MTHFD1L: variants seen among roughly 807,000 people sequenced by gnomAD.
MTHFD1L encodes monofunctional C1-tetrahydrofolate synthase, mitochondrial.
MTHFD1L carries 81 observed loss-of-function variants against 119.5 expected under a neutral mutation model. That is an observed-to-expected ratio of 0.68 (90% CI 0.57 to 0.82). The LOEUF is 0.82. Among genes scored for constraint, MTHFD1L ranks in the 40% least tolerant of loss-of-function variants. MTHFD1L has a pLI of 0.00. For missense variants in MTHFD1L, 1,125 were observed against 1,253.4 expected, an observed-to-expected ratio of 0.90 and a Z score of 1.55; for synonymous variants, 430 against 475.2, an observed-to-expected ratio of 0.90 and a Z score of 1.24.
intron 12 of MTHFD1L, among the ~76,000 whole-genome samples, chr6:150,938,295 G>A (rs1418761059): frequency 6.6e-6 from 1 of 152,206 alleles, no homozygotes; most frequent in Non-Finnish European, 1.5e-5. Flanking sequence ...TGGGTTTACA[G>A]GCATGAGCCA....
intron 9 of MTHFD1L, 26 bp downstream of exon 9, chr6:150,918,694 A>G: frequency 6.3e-7 from 1 of 1,587,956 alleles, no homozygotes; most frequent in Non-Finnish European, 8.6e-7. Context: ...CTGTCTGAGA[A>G]TCTTGAGTTT....
At chr6:150,875,139 T>C (rs1234702321) in intron 1 of MTHFD1L, among the ~76,000 whole-genome samples, 3 of 151,792 alleles carry the variant, frequency 2.0e-5, no homozygotes, top group Admixed American at 6.6e-5. Context: ...TACTACAGCC[T>C]CAAACTCATG....
At chr6:150,892,122 A>G (rs1327903201) in intron 7 of MTHFD1L, among the ~76,000 whole-genome samples, 4 of 152,196 alleles carry the variant, frequency 2.6e-5, no homozygotes, top group Admixed American at 6.5e-5. Flanking sequence ...TTCAAGGGCA[A>G]TAGTTTGCAC....
chr6:151,014,649 C>T (rs759645836), intron 22 of MTHFD1L, among the ~76,000 whole-genome samples: 7 of 152,260 alleles, frequency 4.6e-5, no homozygotes, highest in African/African-American at 7.2e-5. Context: ...AGCCTGTCCT[C>T]AGCAGGGTGA....
chr6:150,947,296 T>C (rs919539024), intron 15 of MTHFD1L, among the ~76,000 whole-genome samples: 12 of 151,334 alleles, frequency 7.9e-5, no homozygotes, highest in Non-Finnish European at 1.2e-4. Flanking sequence ...GGCTTCACCA[T>C]GTTGGCCAGG....
chr6:151,022,082 G>T (rs762588162), intron 24 of MTHFD1L: 1 of 471,046 alleles, frequency 2.1e-6, no homozygotes, highest in Admixed American at 2.3e-5. Flanking sequence ...AACAAACCAC[G>T]AAGACAGCCT....
Position 150,905,666 on chromosome 6 carries a change from T to C in MTHFD1L, c.797T>C (p.Ile266Thr), listed in dbSNP as rs1785784948. 3 of 1,613,790 alleles carry C rather than the reference T, an allele frequency of 1.9e-6. No homozygotes were observed. The highest frequency in any genetic ancestry group is 1.7e-6 in the Non-Finnish European group (2 of 1,179,880). The change falls in exon 8 of 28, where the codon ATT becomes ACT. Residue 266 changes from isoleucine to threonine, a missense_variant. Around this residue, in one of 3 missense-constraint regions of MTHFD1L, gnomAD observed 1,058 missense variants for 1,151.2 expected, o/e 0.92. Transcript: ENST00000367321. Reference sequence around the variant, plus strand: ...TCCTTTTAGCTTCACGAGGCTGACATTGTGGTCCTAGGCTCACCTAAGCCA... The same window carrying C: ...TCCTTTTAGCTTCACGAGGCTGACACTGTGGTCCTAGGCTCACCTAAGCCA... ...QLQSKLHEADIVVLGSPKPEE... is the reference protein window; with the variant it reads ...QLQSKLHEADTVVLGSPKPEE...
intron 24 of MTHFD1L, among the ~76,000 whole-genome samples, chr6:151,019,161 T>C (rs971754686): frequency 1.1e-4 from 16 of 151,278 alleles, no homozygotes; most frequent in African/African-American, 3.9e-4. Flanking sequence ...TGCCAGAGCC[T>C]TTCTACATAA....
intron 7 of MTHFD1L, among the ~76,000 whole-genome samples, chr6:150,896,091 G>A (rs1784162573): frequency 6.6e-6 from 1 of 152,124 alleles, no homozygotes; most frequent in South Asian, 2.1e-4. Context: ...ATTAAAAAAT[G>A]GTAGAGGTGG....
intron 1 of MTHFD1L, among the ~76,000 whole-genome samples, chr6:150,875,723 G>T (rs1780331942): frequency 6.6e-6 from 1 of 151,878 alleles, no homozygotes; most frequent in Admixed American, 6.6e-5. Flanking sequence ...CCATACTCAG[G>T]GTTTTGGGAG....
At chr6:150,866,295 A>T (rs767061823) in intron 1 of MTHFD1L, 71 of 1,473,882 alleles carry the variant, frequency 4.8e-5, no homozygotes, top group Admixed American at 7.1e-5. Context: ...GGGCATCTCC[A>T]ATGGGCGCCT....
intron 5 of MTHFD1L, among the ~76,000 whole-genome samples, chr6:150,883,483 T>C (rs1165928311): frequency 6.6e-6 from 1 of 152,224 alleles, no homozygotes. Flanking sequence ...CCAGCTCTAT[T>C]CTTCTAATAG....
rs144673274 is a variant in MTHFD1L, at chr6:150,876,174, G to A, written c.312G>A (p.Gln104=). 912 of 1,581,188 alleles carry A rather than the reference G, an allele frequency of 5.8e-4. No individual in the cohort carries two copies. Among genetic ancestry groups the A allele is most frequent in the Non-Finnish European group, 7.5e-4 (878 of 1,164,292 alleles). The part of the protein sequence containing the change: ...PAFKPVLAII[Q]AGDDNLMQEI... Reference sequence around the variant, plus strand: ...TCAAGCCGGTTCTTGCAATTATCCAGGTAAGCCGAGAACAAGGTTCAGTCC... The same window carrying A: ...TCAAGCCGGTTCTTGCAATTATCCAAGTAAGCCGAGAACAAGGTTCAGTCC... The change falls in exon 2 of 28, where the codon CAG becomes CAA. Residue 104 remains glutamine (Q), a splice_region_variant and synonymous_variant. Transcript: ENST00000367321.
intron 1 of MTHFD1L, 159 bp downstream of exon 1, chr6:150,866,208 T>A: frequency 7.3e-7 from 1 of 1,370,442 alleles, no homozygotes; most frequent in East Asian, 3.0e-5. Context: ...AAACGCGGGC[T>A]TGGGCACTGC....
chr6:150,949,126 G>A lies in MTHFD1L; in HGVS notation c.1719G>A (p.Trp573Ter). 6.2e-6 allele frequency: 10 copies of A among 1,613,850 alleles called. No homozygotes were observed. The highest frequency in any genetic ancestry group is 7.6e-6 in the Non-Finnish European group (9 of 1,179,900). The change falls in exon 16 of 28, where the codon TGG (tryptophan) becomes TGA (stop). Residue 573 changes from tryptophan to a stop codon, truncating the protein, a stop_gained. Transcript: ENST00000367321. LOFTEE classifies it high-confidence loss of function. ...ACATCGACCCATCTACCATCACGTG[G>A]CAGAGAGGTGGGTGCTGGGGAGATG... ...RLDIDPSTIT[W>*]QRVLDTNDRF...
intron 1 of MTHFD1L, among the ~76,000 whole-genome samples, chr6:150,868,467 G>T (rs1778820907): frequency 6.6e-6 from 1 of 151,604 alleles, no homozygotes; most frequent in African/African-American, 2.4e-5. Flanking sequence ...AGCCTCCTGA[G>T]TAGCTGGGAT....
intron 26 of MTHFD1L, among the ~76,000 whole-genome samples, chr6:151,057,022 G>GA (rs1394082839): frequency 3.9e-5 from 6 of 152,170 alleles, no homozygotes; most frequent in African/African-American, 1.4e-4. Context: ...CCCAGGGAAT[G>GA]AAAATGCCTT....
At chr6:151,024,019 A>G (rs928261526) in intron 24 of MTHFD1L, among the ~76,000 whole-genome samples, 4 of 152,176 alleles carry the variant, frequency 2.6e-5, no homozygotes, top group African/African-American at 9.6e-5. Flanking sequence ...CTTAAGACAG[A>G]AAACTACGAT....
intron 26 of MTHFD1L, among the ~76,000 whole-genome samples, chr6:151,079,886 G>T (rs1362902395): frequency 2.7e-5 from 4 of 149,676 alleles, no homozygotes; most frequent in Non-Finnish European, 5.9e-5. Context: ...TAAAAAAAAA[G>T]AAATTAGGCC....
Sources: gnomAD v4.1 joint callset for allele counts (sites outside exome capture counted in the v4.1 genomes callset) on GRCh38, gnomAD v4.1.1 for gene constraint, gnomAD v4.1.1 regional missense constraint, MANE v1.5 for transcripts, NCBI Gene and HGNC (gene_info 2026-07-23, HGNC 2026-07-21) for gene names.